HCN1: variants seen among roughly 807,000 people sequenced by gnomAD.
The protein encoded by HCN1 is hyperpolarization activated cyclic nucleotide gated potassium channel 1, also known as potassium/sodium hyperpolarization-activated cyclic nucleotide-gated channel 1.
Under a neutral mutation model 78.9 loss-of-function variants are expected in HCN1, and 13 were observed. The ratio of observed to expected loss-of-function variants is 0.16; its 90% CI spans 0.11 to 0.26. The LOEUF is 0.26. HCN1 is among the 10% of genes least tolerant of loss of function. The probability of loss-of-function intolerance (pLI) is 1.00; values close to 1 mark genes in which losing one functional copy is unlikely to be tolerated. For synonymous variants in HCN1, 552 were observed against 455.5 expected, an observed-to-expected ratio of 1.21 and a Z score of -2.70; for missense variants, 810 against 1,154.3, an observed-to-expected ratio of 0.70 and a Z score of 4.32.
At chr5:45,368,713 A>ATT (rs3028840) in intron 4 of HCN1, among the ~76,000 whole-genome samples, 54,029 of 151,704 alleles carry the variant, frequency 0.36, 12,209 homozygotes, top group African/African-American at 0.64. Flanking sequence ...TCATCTTACT[A>ATT]GTGTTCTGCA....
intron 4 of HCN1, among the ~76,000 whole-genome samples, chr5:45,357,324 T>G (rs1747023671): frequency 6.6e-6 from 1 of 152,124 alleles, no homozygotes; most frequent in Non-Finnish European, 1.5e-5. Context: ...ATGTTGAGGC[T>G]TTGGATCTGA....
chr5:45,440,697 C>T (rs1740652991), intron 3 of HCN1, among the ~76,000 whole-genome samples: 1 of 152,176 alleles, frequency 6.6e-6, no homozygotes, highest in Non-Finnish European at 1.5e-5. Flanking sequence ...CTGCCCAAAC[C>T]ACTTACTTGT....
intron 2 of HCN1, among the ~76,000 whole-genome samples, chr5:45,565,288 T>A (rs918384779): frequency 6.6e-6 from 1 of 152,192 alleles, no homozygotes; most frequent in Non-Finnish European, 1.5e-5. Flanking sequence ...GGAAGTGTCA[T>A]CATTAAGCTG....
intron 5 of HCN1, among the ~76,000 whole-genome samples, chr5:45,318,674 A>T (rs1488508565): frequency 6.6e-6 from 1 of 152,014 alleles, no homozygotes; most frequent in Non-Finnish European, 1.5e-5. Context: ...TGACAGGATT[A>T]TTCATGTTCA....
intron 4 of HCN1, among the ~76,000 whole-genome samples, chr5:45,374,170 A>AAC (rs1554021311): frequency 3.5e-5 from 4 of 115,142 alleles, no homozygotes; most frequent in African/African-American, 9.8e-5. Flanking sequence ...TTATATACAT[A>AAC]ATATATATTA....
intron 3 of HCN1, among the ~76,000 whole-genome samples, chr5:45,433,440 A>G (rs996927130): frequency 1.3e-5 from 2 of 151,574 alleles, no homozygotes; most frequent in African/African-American, 2.4e-5. Context: ...ATTTTTCTAC[A>G]TCCTTTTACT....
Position 45,305,364 on chromosome 5 carries a change from T to G in HCN1, c.1378-1525A>C, listed in dbSNP as rs139885307. Among the ~76,000 whole-genome samples, 157 of 152,244 alleles carry G rather than the reference T, an allele frequency of 1.0e-3. No homozygotes were observed. In the Middle Eastern group the frequency reaches 0.014, roughly 13 times the overall value. The stretch of plus-strand genomic sequence containing the variant: ...TTCATCCTGAACAATATTTTATGAG[T>G]TTAGCAAAGCACAACAATGTCTGTA... On this transcript the variant is annotated intron_variant, in intron 5 of 7. Coordinates refer to ENST00000303230, the MANE Select transcript of HCN1 (RefSeq NM_021072.4).
chr5:45,267,002 C>A, intron 7 of HCN1, 87 bp downstream of exon 7: 1 of 1,131,784 alleles, frequency 8.8e-7, no homozygotes, highest in Non-Finnish European at 1.3e-6. Context: ...AGTCACCACT[C>A]CCCACTGCAT....
At chr5:45,469,679 G>A (rs1332675586) in intron 2 of HCN1, among the ~76,000 whole-genome samples, 2 of 151,778 alleles carry the variant, frequency 1.3e-5, no homozygotes, top group East Asian at 3.9e-4. Flanking sequence ...TTTATCCTGA[G>A]AATTCAAAAT....
In HCN1 at chr5:45,310,314, C is replaced by CA. The variant is rs527929272; in HGVS notation, c.1378-6476dup. 1.6e-3 allele frequency among the ~76,000 whole-genome samples: 240 copies of CA among 149,100 alleles called. 1 individual carries two copies. Among genetic ancestry groups the CA allele is most frequent in the East Asian group, 0.016 (79 of 5,066 alleles). ...ATCTATAGTAACTTAAACAAATTTA[C>CA]AAAAAAAAATACAAACAACCCCATT... On this transcript the variant is annotated intron_variant, in intron 5 of 7. Transcript: ENST00000303230.
chr5:45,536,222 T>C (rs1358369274), intron 2 of HCN1, among the ~76,000 whole-genome samples: 2 of 152,342 alleles, frequency 1.3e-5, no homozygotes, highest in East Asian at 3.9e-4. Context: ...TATTTTTGGA[T>C]CTGTAAATTG....
At chr5:45,323,860 CT>C (rs1263567752) in intron 5 of HCN1, among the ~76,000 whole-genome samples, 1 of 151,854 alleles carries the variant, frequency 6.6e-6, no homozygotes, top group Non-Finnish European at 1.5e-5. Context: ...TGGTTTCCAG[CT>C]TCATCCATGT....
intron 2 of HCN1, among the ~76,000 whole-genome samples, chr5:45,494,974 C>G (rs1353719466): frequency 4.9e-5 from 7 of 142,742 alleles, no homozygotes; most frequent in African/African-American, 1.3e-4. Flanking sequence ...TGTTTTGGTA[C>G]CAGTACCATG....
At chr5:45,444,815 A>G (rs1740752621) in intron 3 of HCN1, among the ~76,000 whole-genome samples, 1 of 150,464 alleles carries the variant, frequency 6.6e-6, no homozygotes, top group Non-Finnish European at 1.5e-5. Flanking sequence ...TATTATTATT[A>G]TTATACTTTA....
intron 3 of HCN1, among the ~76,000 whole-genome samples, chr5:45,400,611 G>A (rs1345565576): frequency 1.3e-5 from 2 of 151,646 alleles, no homozygotes; most frequent in African/African-American, 4.8e-5. Context: ...TACTGGTCTC[G>A]AACTCCTCGA....
intron 1 of HCN1, among the ~76,000 whole-genome samples, chr5:45,648,297 T>C (rs889979411): frequency 6.6e-6 from 1 of 152,146 alleles, no homozygotes; most frequent in Non-Finnish European, 1.5e-5. Context: ...CTCAGAGCAA[T>C]AGAGATGAAA....
In HCN1 at chr5:45,352,624, G is replaced by A. The variant is rs552291868; in HGVS notation, c.1377+476C>T. Among the ~76,000 whole-genome samples, 4 of 152,056 alleles carry A rather than the reference G, an allele frequency of 2.6e-5. No homozygotes were observed. The South Asian group carries it at 6.2e-4, about 24-fold the overall frequency. On this transcript the variant is annotated intron_variant, in intron 5 of 7. Transcript: ENST00000303230. The stretch of plus-strand genomic sequence containing the variant: ...TAGTGGGAAGAAGGCAGATTTCTAG[G>A]GAGGAACAGAAAGATGATGCAAAGC...
chr5:45,308,457 C>A (rs867121864), intron 5 of HCN1, among the ~76,000 whole-genome samples: 2 of 152,094 alleles, frequency 1.3e-5, no homozygotes, highest in South Asian at 4.2e-4. Flanking sequence ...AGCATATTTT[C>A]TTTAAGTTAA....
chr5:45,357,436 C>T (rs1322809473), intron 4 of HCN1, among the ~76,000 whole-genome samples: 2 of 151,982 alleles, frequency 1.3e-5, no homozygotes, highest in African/African-American at 4.8e-5. Context: ...TACATTTTCT[C>T]TATATTTCCC....
Sources: gnomAD v4.1 joint callset for allele counts (sites outside exome capture counted in the v4.1 genomes callset) on GRCh38, gnomAD v4.1.1 for gene constraint, MANE v1.5 for transcripts, NCBI Gene and HGNC (gene_info 2026-07-23, HGNC 2026-07-21) for gene names.